PRDX1: variants seen among roughly 807,000 people sequenced by gnomAD.
PRDX1 encodes peroxiredoxin 1, also known as peroxiredoxin-1.
Under a neutral mutation model 20.7 loss-of-function variants are expected in PRDX1, and 19 were observed. The ratio of observed to expected loss-of-function variants is 0.92; its 90% CI spans 0.64 to 1.35. The LOEUF (loss-of-function observed/expected upper bound fraction) is 1.35. Among genes scored for constraint, PRDX1 ranks in the 40% most tolerant of loss-of-function variants. The pLI is 0.00. For missense variants in PRDX1, 226 were observed against 240.0 expected, an observed-to-expected ratio of 0.94 and a Z score of 0.38; for synonymous variants, 89 against 83.9, an observed-to-expected ratio of 1.06 and a Z score of -0.33.
chr1:45,515,043 C>G (rs1643833307), intron 3 of PRDX1, 48 bp from the exon 4 acceptor site: 1 of 1,603,996 alleles, frequency 6.2e-7, no homozygotes, highest in African/African-American at 1.3e-5. Flanking sequence ...CTTGACTTGA[C>G]TGTACGCATT....
chr1:45,514,615 T>C lies in PRDX1; in HGVS notation c.406A>G (p.Lys136Glu). Reference protein sequence around the residue: ...SFRGLFIIDDKGILRQITVND... With the variant: ...SFRGLFIIDDEGILRQITVND... ...ACAGTGATCTGCCGAAGAATACCCT[T>C]ATCATCAATGATAAAAAGGCCCCTG... The change falls in exon 5 of 6, where the codon AAG (lysine) becomes GAG (glutamate). Residue 136 changes from lysine to glutamate, a missense_variant. Lys to Glu is a moderately conservative substitution (Grantham distance 56). Coordinates refer to ENST00000319248, the MANE Select transcript of PRDX1 (RefSeq NM_181697.3). The C allele has an allele frequency of 6.2e-7, 1 of 1,613,780 alleles. No homozygotes were observed. The highest frequency in any genetic ancestry group is 1.1e-5 in the South Asian group (1 of 91,070).
Position 45,514,987 on chromosome 1 carries a change from G to A in PRDX1, c.269C>T (p.Thr90Ile). 1 of 1,614,114 alleles carries A rather than the reference G, an allele frequency of 6.2e-7. No individual in the cohort carries two copies. Among genetic ancestry groups the A allele is most frequent in the Non-Finnish European group, 8.5e-7 (1 of 1,179,992 alleles). The change falls in exon 4 of 6, where the codon ACA becomes ATA. Residue 90 changes from threonine to isoleucine, a missense_variant. Coordinates refer to ENST00000319248, the MANE Select transcript of PRDX1 (RefSeq NM_181697.3). ...SHFCHLAWVNTPKKQGGLGPM... is the reference protein window; with the variant it reads ...SHFCHLAWVNIPKKQGGLGPM... ...TCCCAGTCCTCCTTGTTTCTTAGGT[G>A]TATTGACCCTATGGCAAAAGGCAAA...
chr1:45,519,055 C>G lies in PRDX1; in HGVS notation c.-11-1G>C, dbSNP rs750668166. ...TTTCCTGAAGACATCTTCCTATCAG[C>G]TAGAAATAACAGAAATGAATTAGAA... On this transcript the variant is annotated splice_acceptor_variant, in intron 1 of 5. Transcript: ENST00000319248. LOFTEE classifies it low-confidence loss of function (5UTR_SPLICE). The G allele has an allele frequency of 6.5e-7, 1 of 1,544,812 alleles. No individual in the cohort carries two copies. The highest frequency in any genetic ancestry group is 8.8e-7 in the Non-Finnish European group (1 of 1,135,874).
chr1:45,519,597 GTT>G lies in PRDX1; in HGVS notation c.-11-545_-11-544del, dbSNP rs1643889928. On this transcript the variant is annotated intron_variant, in intron 1 of 5. Transcript: ENST00000319248. The stretch of plus-strand genomic sequence containing the variant: ...AATTCAACTTGTTTTATTTGTTTTT[GTT>G]TTGTTTTGTTTTTTTGACGGAGTTT... Among the ~76,000 whole-genome samples the G allele has an allele frequency of 7.2e-5, 11 of 152,184 alleles. No homozygotes were observed. The South Asian group carries it at 2.3e-3, about 32-fold the overall frequency.
chr1:45,520,346 C>T (rs1298175049), intron 1 of PRDX1, among the ~76,000 whole-genome samples: 3 of 151,542 alleles, frequency 2.0e-5, no homozygotes, highest in African/African-American at 7.3e-5. Context: ...GCTAATATCC[C>T]AGGGCGAAAA....
chr1:45,514,946 A>T lies in PRDX1; in HGVS notation c.310T>A (p.Leu104Met). Residue 104 changes from leucine to methionine, a missense_variant, in exon 4 of 6, where the codon TTG becomes ATG. Coordinates refer to ENST00000319248, the MANE Select transcript of PRDX1 (RefSeq NM_181697.3). ...ATGGTGCGCTTCGGGTCTGATACCA[A>T]AGGAATGTTCATGGGTCCCAGTCCT... ...QGGLGPMNIPLVSDPKRTIAQ... is the reference protein window; with the variant it reads ...QGGLGPMNIPMVSDPKRTIAQ... 6.2e-7 allele frequency: 1 copy of T among 1,614,174 alleles called. No homozygotes were observed. Among genetic ancestry groups the T allele is most frequent in the Non-Finnish European group, 8.5e-7 (1 of 1,180,020 alleles).
chr1:45,511,487 C>T (rs1297327908), intron 5 of PRDX1, 73 bp from the exon 6 acceptor site: 1 of 1,242,466 alleles, frequency 8.0e-7, no homozygotes, highest in Admixed American at 2.0e-5. Flanking sequence ...TGGACAAAAC[C>T]AGTTCTGCAC....
intron 3 of PRDX1, among the ~76,000 whole-genome samples, chr1:45,515,400 A>T (rs540218461): frequency 6.6e-6 from 1 of 151,998 alleles, no homozygotes; most frequent in East Asian, 1.9e-4. Flanking sequence ...GAGATCAAGA[A>T]CATCCTGACT....
At chr1:45,514,321 C>T (rs1237756149) in intron 5 of PRDX1, among the ~76,000 whole-genome samples, 186 bp downstream of exon 5, 3 of 152,216 alleles carry the variant, frequency 2.0e-5, no homozygotes, top group Non-Finnish European at 2.9e-5. Context: ...ACTCAGAGGC[C>T]GGCGGGATCC....
intron 2 of PRDX1, among the ~76,000 whole-genome samples, chr1:45,516,475 T>C (rs1283581990): frequency 2.6e-5 from 4 of 151,654 alleles, no homozygotes; most frequent in Non-Finnish European, 5.9e-5. Context: ...GAAATATATA[T>C]ATACATATAC....
At chr1:45,519,444 T>A (rs1643888776) in intron 1 of PRDX1, among the ~76,000 whole-genome samples, 1 of 152,232 alleles carries the variant, frequency 6.6e-6, no homozygotes, top group Non-Finnish European at 1.5e-5. Flanking sequence ...ACAAACACTT[T>A]TGTTTGGCTC....
intron 1 of PRDX1, among the ~76,000 whole-genome samples, chr1:45,519,390 A>G (rs756939290): frequency 3.9e-5 from 6 of 152,226 alleles, no homozygotes; most frequent in Non-Finnish European, 5.9e-5. Flanking sequence ...GCAGAGAGAG[A>G]GGCAGATGAA....
At chr1:45,522,108 T>G (rs1327689393), upstream of PRDX1, among the ~76,000 whole-genome samples, 2 of 152,170 alleles carry the variant, frequency 1.3e-5, no homozygotes, top group African/African-American at 4.8e-5. Flanking sequence ...GAGGCGCCCT[T>G]GTGGCCGCTC....
intron 2 of PRDX1, 75 bp downstream of exon 2, chr1:45,518,863 T>G: frequency 2.3e-6 from 3 of 1,290,414 alleles, no homozygotes; most frequent in Non-Finnish European, 3.3e-6. Context: ...CAAACAACAT[T>G]GACACAAATC....
Position 45,521,415 on chromosome 1 carries a change from G to C in PRDX1, c.-12+414C>G, listed in dbSNP as rs181892014. On this transcript the variant is annotated intron_variant, in intron 1 of 5. Coordinates refer to ENST00000319248, the MANE Select transcript of PRDX1 (RefSeq NM_181697.3). ...AGCTCCGCAGCTAGTCAAGGCTCAG[G>C]ACCCGGAACAGCCAAATACATAGAG... Among the ~76,000 whole-genome samples, 3 of 152,292 alleles carry C rather than the reference G, an allele frequency of 2.0e-5. No homozygotes were observed. In the East Asian group the frequency reaches 5.8e-4, roughly 29 times the overall value.
intron 2 of PRDX1, 121 bp from the exon 3 acceptor site, chr1:45,515,928 A>C (rs1643855056): frequency 8.3e-6 from 8 of 965,542 alleles, no homozygotes; most frequent in African/African-American, 3.4e-5. Context: ...CAAGATGCTC[A>C]ATACAGATGT....
Position 45,511,335 on chromosome 1 carries a change from C to A in PRDX1, c.594G>T (p.Gln198His). 3 of 1,612,086 alleles carry A rather than the reference C, an allele frequency of 1.9e-6. No individual in the cohort carries two copies. The highest frequency in any genetic ancestry group is 2.5e-6 in the Non-Finnish European group (3 of 1,178,960). ...VQKSKEYFSK[Q>H]K ...CACTAAAACAGCCCAGCGCTCACTTCTGCTTGGAGAAATATTCTTTGCTCT... is the reference window on the plus strand; with the variant it reads ...CACTAAAACAGCCCAGCGCTCACTTATGCTTGGAGAAATATTCTTTGCTCT... The change falls in exon 6 of 6, where the codon CAG becomes CAT. Residue 198 changes from glutamine to histidine, a missense_variant. By Grantham distance (24) the Gln-to-His change is conservative. Coordinates refer to ENST00000319248, the MANE Select transcript of PRDX1 (RefSeq NM_181697.3).
chr1:45,522,543 A>T (rs1183010046), upstream of PRDX1, among the ~76,000 whole-genome samples: 1 of 152,162 alleles, frequency 6.6e-6, no homozygotes, highest in African/African-American at 2.4e-5. Context: ...ATTACACATT[A>T]GCCAGACCCA....
At chr1:45,517,817 A>ATATATACGTGACCCAAAC (rs1557614809) in intron 2 of PRDX1, among the ~76,000 whole-genome samples, 11 of 51,812 alleles carry the variant, frequency 2.1e-4, no homozygotes, top group Non-Finnish European at 1.8e-4. Context: ...ATGACAACAG[A>ATATATACGTGACCCAAAC]AAGGAGAGTT....
Sources: gnomAD v4.1 joint callset for allele counts (sites outside exome capture counted in the v4.1 genomes callset) on GRCh38, gnomAD v4.1.1 for gene constraint, MANE v1.5 for transcripts, NCBI Gene and HGNC (gene_info 2026-07-23, HGNC 2026-07-21) for gene names.